FSTL5: variants seen among roughly 807,000 people sequenced by gnomAD.
FSTL5 encodes follistatin like 5, also known as follistatin-related protein 5.
A neutral mutation model predicts 89.1 loss-of-function variants in FSTL5; 62 were observed. The ratio of observed to expected loss-of-function variants is 0.70; its 90% CI spans 0.57 to 0.86. FSTL5 has a LOEUF of 0.86. FSTL5 is among the 40% of genes least tolerant of loss of function. The pLI is 0.00. For missense variants in FSTL5, 1,057 were observed against 1,001.6 expected (o/e 1.06, Z -0.75); for synonymous variants, 383 against 346.2 (o/e 1.11, Z -1.18).
At chr4:161,788,864 C>T (rs969946032) in intron 4 of FSTL5, among the ~76,000 whole-genome samples, 1 of 152,174 alleles carries the variant, frequency 6.6e-6, no homozygotes, top group Admixed American at 6.5e-5. Flanking sequence ...TGCTACTGCA[C>T]TCCAGCCTGA....
intron 1 of FSTL5, among the ~76,000 whole-genome samples, chr4:162,119,655 C>A (rs981382572): frequency 1.3e-5 from 2 of 152,300 alleles, no homozygotes; most frequent in African/African-American, 4.8e-5. Context: ...CTTAAACATT[C>A]ATTTCCTTGT....
Position 161,816,124 on chromosome 4 carries a change from G to T in FSTL5, c.410-40050C>A, listed in dbSNP as rs1246317886. Among the ~76,000 whole-genome samples, 7 of 152,246 alleles carry T rather than the reference G, an allele frequency of 4.6e-5. No individual in the cohort carries two copies. The East Asian group carries it at 1.4e-3, about 30-fold the overall frequency. ...GAGTGCAGAGCTAAATCAGGCAGAT[G>T]AACTTTCAGGGTGGGCTCTGACTCT... On this transcript the variant is annotated intron_variant, in intron 4 of 15. Transcript: ENST00000306100.
chr4:161,676,306 C>T (rs773475819), intron 6 of FSTL5, among the ~76,000 whole-genome samples: 5 of 152,014 alleles, frequency 3.3e-5, no homozygotes, highest in South Asian at 2.1e-4. Context: ...ATATACACCA[C>T]GAAATACTAT....
chr4:161,953,691 A>G (rs950378039), intron 3 of FSTL5, among the ~76,000 whole-genome samples: 1 of 151,660 alleles, frequency 6.6e-6, no homozygotes, highest in Non-Finnish European at 1.5e-5. Flanking sequence ...TAGCAAGCAC[A>G]TATTTTTTTC....
At chr4:162,046,238 A>T (rs1738172818) in intron 2 of FSTL5, among the ~76,000 whole-genome samples, 2 of 152,142 alleles carry the variant, frequency 1.3e-5, no homozygotes, top group African/African-American at 4.8e-5. Flanking sequence ...TTCTATCTGG[A>T]AAGACAAATA....
intron 4 of FSTL5, among the ~76,000 whole-genome samples, chr4:161,825,805 T>C (rs2126855773): frequency 6.6e-6 from 1 of 152,292 alleles, no homozygotes; most frequent in South Asian, 2.1e-4. Flanking sequence ...TCACTAATGG[T>C]CTGTCAATTT....
At chr4:161,918,668 G>A (rs750220111) in intron 4 of FSTL5, among the ~76,000 whole-genome samples, 14 of 150,596 alleles carry the variant, frequency 9.3e-5, no homozygotes, top group Non-Finnish European at 1.6e-4. Flanking sequence ...TTTTTGAGAC[G>A]GGGTCTCGCT....
rs372487625 is a variant in FSTL5, at chr4:162,042,246, C to A, written c.127-8588G>T. ...ATATTTCCCATTATGGGAAATATTACTAATGGTTTAGAAGTAGTTGGAAAC... is the reference window on the plus strand; with the variant it reads ...ATATTTCCCATTATGGGAAATATTAATAATGGTTTAGAAGTAGTTGGAAAC... On this transcript the variant is annotated intron_variant, in intron 2 of 15. Coordinates refer to ENST00000306100, the MANE Select transcript of FSTL5 (RefSeq NM_020116.5). Among the ~76,000 whole-genome samples the A allele has an allele frequency of 2.8e-4, 42 of 151,940 alleles. No individual in the cohort carries two copies. In the East Asian group the frequency reaches 6.4e-3, roughly 23 times the overall value.
chr4:161,512,295 A>T (rs989423116), intron 10 of FSTL5, among the ~76,000 whole-genome samples: 1 of 152,130 alleles, frequency 6.6e-6, no homozygotes, highest in African/African-American at 2.4e-5. Context: ...TGTATTCAGC[A>T]CTCACATACA....
In FSTL5 at chr4:161,779,768, T is replaced by C. The variant is rs1186443078; in HGVS notation, c.410-3694A>G. Among the ~76,000 whole-genome samples, 25 of 16,720 alleles carry C rather than the reference T, an allele frequency of 1.5e-3. 2 individuals are homozygous for C. Among genetic ancestry groups the C allele is most frequent in the African/African-American group, 0.012 (24 of 1,932 alleles). 11.0% of individuals were successfully genotyped at this position (16,720 alleles called of 152,430 possible). The stretch of plus-strand genomic sequence containing the variant: ...AGGATTATTTGTAAAGTTATATATA[T>C]ATATATGTATATATATATATATATA... On this transcript the variant is annotated intron_variant, in intron 4 of 15. Transcript: ENST00000306100.
intron 5 of FSTL5, among the ~76,000 whole-genome samples, chr4:161,771,264 T>G (rs1741200130): frequency 6.6e-6 from 1 of 152,104 alleles, no homozygotes; most frequent in African/African-American, 2.4e-5. Flanking sequence ...TACTACATCT[T>G]CACAAATGAT....
intron 15 of FSTL5, among the ~76,000 whole-genome samples, chr4:161,451,209 CTAAAAT>C (rs10562848): frequency 0.94 from 142,268 of 151,862 alleles, 66,680 homozygotes; most frequent in African/African-American, 0.97. Flanking sequence ...AACTTTAAAA[CTAAAAT>C]TATGGTTTCC....
At chr4:161,613,320 G>A (rs1734716908) in intron 7 of FSTL5, among the ~76,000 whole-genome samples, 2 of 151,926 alleles carry the variant, frequency 1.3e-5, no homozygotes, top group South Asian at 2.1e-4. Context: ...GCATGATGGC[G>A]CACGCCGGTA....
intron 4 of FSTL5, among the ~76,000 whole-genome samples, chr4:161,783,179 T>G (rs1741731982): frequency 6.6e-6 from 1 of 152,186 alleles, no homozygotes; most frequent in Non-Finnish European, 1.5e-5. Flanking sequence ...AAATACAATT[T>G]AACATATTAG....
intron 1 of FSTL5, among the ~76,000 whole-genome samples, chr4:162,140,676 T>TA (rs1171221402): frequency 6.6e-6 from 1 of 152,074 alleles, no homozygotes; most frequent in Admixed American, 6.5e-5. Flanking sequence ...AGGATAGAGA[T>TA]AAAAAAGCAA....
chr4:161,612,065 A>G (rs910073377), intron 7 of FSTL5, among the ~76,000 whole-genome samples: 5 of 152,244 alleles, frequency 3.3e-5, no homozygotes, highest in Admixed American at 3.3e-4. Context: ...GTGGGAAGCC[A>G]AGAGAGAAAA....
intron 4 of FSTL5, among the ~76,000 whole-genome samples, chr4:161,833,186 C>CCAT (rs1730906995): frequency 6.6e-6 from 1 of 151,598 alleles, no homozygotes; most frequent in African/African-American, 2.4e-5. Flanking sequence ...TGTAGTTGAG[C>CCAT]GGTTTTGAGT....
rs530941089 is a variant in FSTL5, at chr4:161,830,303, C to A, written c.410-54229G>T. The stretch of plus-strand genomic sequence containing the variant: ...CTGCCAACTAATTCCAGAGATTTTG[C>A]TTCCTGTTATGATGTAATTTCCAAG... On this transcript the variant is annotated intron_variant, in intron 4 of 15. Transcript: ENST00000306100. Among the ~76,000 whole-genome samples, 6 of 152,108 alleles carry A rather than the reference C, an allele frequency of 3.9e-5. No individual in the cohort carries two copies. The South Asian group carries it at 1.2e-3, about 32-fold the overall frequency.
intron 8 of FSTL5, among the ~76,000 whole-genome samples, chr4:161,546,229 G>A (rs1005073566): frequency 2.7e-5 from 4 of 149,886 alleles, no homozygotes; most frequent in Admixed American, 1.3e-4. Flanking sequence ...AAATACAGAT[G>A]AGAGAGTAAG....
Sources: allele counts gnomAD v4.1 joint callset (sites outside exome capture counted in the v4.1 genomes callset), GRCh38; gene constraint gnomAD v4.1.1; transcripts MANE v1.5; gene names NCBI Gene and HGNC (gene_info 2026-07-23, HGNC 2026-07-21).